STIM2: variants seen among roughly 807,000 people sequenced by gnomAD.
STIM2 encodes stromal interaction molecule 2.
STIM2 carries 31 observed loss-of-function variants against 85.8 expected under a neutral mutation model. The observed-to-expected ratio is 0.36, with a 90% CI of 0.27 to 0.49. The LOEUF is 0.49. Ranked by LOEUF, STIM2 falls within the 20% of genes least tolerant of loss-of-function variation. The probability of loss-of-function intolerance (pLI) is 0.98; values close to 1 mark genes in which losing one functional copy is unlikely to be tolerated. For synonymous variants in STIM2, 356 were observed against 331.1 expected (o/e 1.08, Z -0.82); for missense variants, 841 against 927.6 (o/e 0.91, Z 1.21).
intron 3 of STIM2, among the ~76,000 whole-genome samples, chr4:26,965,199 A>G (rs1037606668): frequency 4.6e-5 from 7 of 152,268 alleles, no homozygotes; most frequent in Admixed American, 2.0e-4. Context: ...GGTAGAGTGT[A>G]GTTTCAGAGT....
rs764698334 is a variant in STIM2 at position 26,999,249 on chromosome 4, C to T, written c.527C>T (p.Pro176Leu). 1 of 1,606,016 alleles carries T rather than the reference C, an allele frequency of 6.2e-7. No individual in the cohort carries two copies. The highest frequency in any genetic ancestry group is 1.1e-5 in the South Asian group (1 of 90,260). Residue 176 changes from proline (P) to leucine (L), a missense_variant, in exon 5 of 12, where the codon CCT becomes CTT. Physicochemically the swap from Pro to Leu is moderately conservative, Grantham distance 98 (BLOSUM62 -3). Around this residue, in one of 3 missense-constraint regions of STIM2, gnomAD observed 408 missense variants for 525.4 expected, o/e 0.78. Transcript: ENST00000467087. Reference sequence around the variant, plus strand: ...ATAAACAGGATAGCAGTGCACGAACCTTCATTTATGATCTCCCAGTTGAAA... The same window carrying T: ...ATAAACAGGATAGCAGTGCACGAACTTTCATTTATGATCTCCCAGTTGAAA...
At chr4:26,999,187 C>A in intron 4 of STIM2, 45 bp from the exon 5 acceptor site, 1 of 827,110 alleles carries the variant, frequency 1.2e-6, no homozygotes, top group South Asian at 3.7e-5. Context: ...GAAATATTTT[C>A]ATTTAATATA....
chr4:26,927,856 AATTAT>A (rs1560209626), intron 2 of STIM2, among the ~76,000 whole-genome samples: 1 of 135,904 alleles, frequency 7.4e-6, no homozygotes, highest in East Asian at 1.9e-4. Flanking sequence ...ATTAATATAT[AATTAT>A]TATATAAATT....
chr4:27,008,004 C>T (rs1298945213), intron 8 of STIM2: 1 of 717,622 alleles, frequency 1.4e-6, no homozygotes, highest in Admixed American at 2.0e-5. Context: ...ATATCTGATT[C>T]AGGTTAGTAG....
intron 3 of STIM2, among the ~76,000 whole-genome samples, chr4:26,971,071 C>T (rs191292812): frequency 6.6e-6 from 1 of 152,104 alleles, no homozygotes; most frequent in Admixed American, 6.5e-5. Flanking sequence ...ATATCCTTTG[C>T]CCACTTTTTG....
intron 1 of STIM2, among the ~76,000 whole-genome samples, chr4:26,918,842 C>T (rs767437626): frequency 6.6e-6 from 1 of 152,018 alleles, no homozygotes; most frequent in Non-Finnish European, 1.5e-5. Context: ...AAGGGTTGAC[C>T]AGTAAATGTG....
chr4:27,018,103 C>T (rs1728797763), intron 11 of STIM2, 119 bp downstream of exon 11: 2 of 1,410,346 alleles, frequency 1.4e-6, no homozygotes, highest in African/African-American at 1.4e-5. Context: ...CAAGGTACCA[C>T]AGACTTTGCA....
At chr4:26,959,929 ATTCCTAGTAATGCAG>A (rs1726386758) in intron 3 of STIM2, among the ~76,000 whole-genome samples, 1 of 152,150 alleles carries the variant, frequency 6.6e-6, no homozygotes, top group South Asian at 2.1e-4. Flanking sequence ...TAGTCTCAGT[ATTCCTAGTAATGCAG>A]CTGTATGGGA....
At chr4:26,889,519 G>C (rs1206230781) in intron 1 of STIM2, among the ~76,000 whole-genome samples, 4 of 152,184 alleles carry the variant, frequency 2.6e-5, no homozygotes, top group Non-Finnish European at 5.9e-5. Context: ...AGTATCTGTT[G>C]TAATAAGAAC....
At chr4:26,914,776 G>C (rs1391641063) in intron 1 of STIM2, among the ~76,000 whole-genome samples, 2 of 152,192 alleles carry the variant, frequency 1.3e-5, no homozygotes, top group African/African-American at 4.8e-5. Flanking sequence ...ATAATGGTTT[G>C]TTCAAGGGGA....
At chr4:26,861,440 G>A (rs1463663112) in intron 1 of STIM2, 71 bp downstream of exon 1, 13 of 1,242,888 alleles carry the variant, frequency 1.0e-5, no homozygotes, top group Non-Finnish European at 8.0e-6. Context: ...GCAGAGGTCA[G>A]CATCTCCGCC....
chr4:26,940,721 T>C (rs1406683902), intron 2 of STIM2, among the ~76,000 whole-genome samples: 2 of 152,178 alleles, frequency 1.3e-5, no homozygotes, highest in Non-Finnish European at 2.9e-5. Context: ...TTGACAATTA[T>C]TACTTAGTTT....
At chr4:26,930,295 T>C (rs925462893) in intron 2 of STIM2, among the ~76,000 whole-genome samples, 2 of 152,182 alleles carry the variant, frequency 1.3e-5, no homozygotes, top group South Asian at 2.1e-4. Context: ...TTGTTATTGC[T>C]CATTTTGTGA....
chr4:27,024,959 G>C lies in STIM2; in HGVS notation c.*1963G>C, dbSNP rs569460775. ...GCACGGAGTGAAGATGGGAGGAGCT[G>C]TTAGCAAGGCCCACTGCTGCTCCTG... On this transcript the variant is annotated 3_prime_UTR_variant, in exon 12 of 12. Coordinates refer to ENST00000467087, the MANE Select transcript of STIM2 (RefSeq NM_020860.4). 1 of 152,336 alleles carries C rather than the reference G, an allele frequency of 6.6e-6. No homozygotes were observed. The highest frequency in any genetic ancestry group is 2.1e-4 in the South Asian group (1 of 4,828). The allele number at this position is 152,336 out of a possible 1,614,324, so 9.4% of individuals were successfully genotyped here. A position where few individuals can be genotyped will look rare whatever the true frequency, so the allele number is the denominator to read the frequency against.
intron 1 of STIM2, among the ~76,000 whole-genome samples, chr4:26,903,455 G>A (rs2109053864): frequency 6.6e-6 from 1 of 152,202 alleles, no homozygotes; most frequent in South Asian, 2.1e-4. Flanking sequence ...ACATTTTAAT[G>A]AACTAGTTAT....
At chr4:26,986,114 T>G (rs1443321806) in intron 3 of STIM2, among the ~76,000 whole-genome samples, 1 of 152,196 alleles carries the variant, frequency 6.6e-6, no homozygotes, top group Admixed American at 6.5e-5. Context: ...AGCAAGTGGC[T>G]TAAACTCTGA....
intron 9 of STIM2, 65 bp downstream of exon 9, chr4:27,008,593 A>G (rs547098257): frequency 1.2e-5 from 15 of 1,230,786 alleles, no homozygotes; most frequent in Middle Eastern, 3.8e-4. Flanking sequence ...TAATTTGTGA[A>G]CAATTTATAT....
At chr4:26,921,505 A>G (rs895798251) in intron 2 of STIM2, among the ~76,000 whole-genome samples, 7 of 152,260 alleles carry the variant, frequency 4.6e-5, no homozygotes, top group Admixed American at 6.5e-5. Flanking sequence ...GGCCATAGAC[A>G]GTACAAGAAC....
intron 2 of STIM2, among the ~76,000 whole-genome samples, chr4:26,952,396 G>C (rs1577459038): frequency 1.3e-5 from 2 of 152,044 alleles, no homozygotes; most frequent in East Asian, 3.9e-4. Flanking sequence ...AAATCATACA[G>C]AATATGTAAA....
Sources: allele counts gnomAD v4.1 joint callset (sites outside exome capture counted in the v4.1 genomes callset), GRCh38; gene constraint gnomAD v4.1.1; regional missense constraint gnomAD v4.1.1; transcripts MANE v1.5; gene names NCBI Gene and HGNC (gene_info 2026-07-23, HGNC 2026-07-21).